The following SGMS1 variants were observed in gnomAD, a reference collection of about 807,000 sequenced individuals.
SGMS1 encodes sphingomyelin synthase 1.
SGMS1 carries 13 observed loss-of-function variants against 46.2 expected under a neutral mutation model. That is an observed-to-expected ratio of 0.28 (90% confidence interval 0.18 to 0.45). The LOEUF (loss-of-function observed/expected upper bound fraction) is 0.45. Among genes scored for constraint, SGMS1 ranks in the 20% least tolerant of loss-of-function variants. The pLI, the probability that SGMS1 is intolerant of heterozygous loss-of-function variation, is 1.00. For missense variants in SGMS1, 324 were observed against 519.9 expected (o/e 0.62, Z 3.66); for synonymous variants, 203 against 187.8 (o/e 1.08, Z -0.66).
At chr10:50,397,316 A>G (rs1230971918) in intron 6 of SGMS1, among the ~76,000 whole-genome samples, 1 of 152,200 alleles carries the variant, frequency 6.6e-6, no homozygotes, top group African/African-American at 2.4e-5. Context: ...TCCCCAGTTC[A>G]AGGATCTAGA....
intron 3 of SGMS1, among the ~76,000 whole-genome samples, chr10:50,498,674 T>C (rs900330380): frequency 3.3e-5 from 5 of 152,222 alleles, no homozygotes; most frequent in African/African-American, 1.2e-4. Context: ...AATATTCCAT[T>C]GTATGCAAAC....
upstream of SGMS1, chr10:50,624,611 C>T: frequency 1.0e-6 from 1 of 985,404 alleles, no homozygotes; most frequent in Non-Finnish European, 1.2e-6. Flanking sequence ...GGCCCACCTT[C>T]CGCCGCCCCT....
At chr10:50,624,407 A>C (rs555698803), upstream of SGMS1, among the ~76,000 whole-genome samples, 2 of 152,200 alleles carry the variant, frequency 1.3e-5, no homozygotes, top group East Asian at 3.9e-4. Flanking sequence ...TTAATGCCCA[A>C]TGGATCATTC....
intron 5 of SGMS1, among the ~76,000 whole-genome samples, chr10:50,434,553 G>C (rs941169202): frequency 6.6e-6 from 1 of 152,056 alleles, no homozygotes; most frequent in African/African-American, 2.4e-5. Flanking sequence ...AGCATAAAGG[G>C]ACAGGGCGGT....
At chr10:50,357,474 A>G (rs1009755175) in intron 6 of SGMS1, among the ~76,000 whole-genome samples, 2 of 152,210 alleles carry the variant, frequency 1.3e-5, no homozygotes, top group Non-Finnish European at 2.9e-5. Flanking sequence ...CACACTGAAC[A>G]TAAGTTTTCA....
chr10:50,530,788 T>A (rs924880957), intron 2 of SGMS1, among the ~76,000 whole-genome samples: 2 of 152,166 alleles, frequency 1.3e-5, no homozygotes, highest in African/African-American at 4.8e-5. Flanking sequence ...TCCTCTTTTT[T>A]AACAATAGTT....
intron 3 of SGMS1, among the ~76,000 whole-genome samples, chr10:50,493,594 T>A (rs897824163): frequency 4.6e-5 from 7 of 151,484 alleles, no homozygotes; most frequent in African/African-American, 1.7e-4. Context: ...ATATCCAGAG[T>A]CTACAAGGAA....
chr10:50,411,670 C>T (rs1467477601), intron 6 of SGMS1, among the ~76,000 whole-genome samples: 4 of 152,146 alleles, frequency 2.6e-5, no homozygotes, highest in Non-Finnish European at 5.9e-5. Flanking sequence ...TTTTAAACTG[C>T]CTAGTCTTTC....
intron 3 of SGMS1, among the ~76,000 whole-genome samples, chr10:50,504,710 T>A (rs1459734181): frequency 1.3e-5 from 2 of 152,094 alleles, no homozygotes; most frequent in Non-Finnish European, 2.9e-5. Flanking sequence ...ATTTTTTTTT[T>A]AAAGTAATGG....
At chr10:50,422,968 G>A (rs1351496524) in intron 6 of SGMS1, among the ~76,000 whole-genome samples, 1 of 152,208 alleles carries the variant, frequency 6.6e-6, no homozygotes, top group East Asian at 1.9e-4. Flanking sequence ...TCAAAAGGCT[G>A]TGTCTGTCCT....
chr10:50,442,047 TA>T (rs1362239878), intron 5 of SGMS1, among the ~76,000 whole-genome samples: 5 of 152,068 alleles, frequency 3.3e-5, no homozygotes, highest in African/African-American at 1.2e-4. Context: ...AACTTGCTTT[TA>T]TTTTTTTATT....
At chr10:50,622,694 C>A (rs867745888) in intron 1 of SGMS1, among the ~76,000 whole-genome samples, 1 of 152,244 alleles carries the variant, frequency 6.6e-6, no homozygotes, top group Non-Finnish European at 1.5e-5. Context: ...ATCTGAGAAG[C>A]ACCTGCCTGG....
intron 6 of SGMS1, among the ~76,000 whole-genome samples, chr10:50,394,505 T>C (rs1180996532): frequency 1.3e-5 from 2 of 152,234 alleles, no homozygotes; most frequent in Admixed American, 6.5e-5. Context: ...GAAACCCCAT[T>C]TGCCATTCAA....
At chr10:50,536,744 G>A (rs946347508) in intron 2 of SGMS1, among the ~76,000 whole-genome samples, 2 of 152,010 alleles carry the variant, frequency 1.3e-5, no homozygotes, top group African/African-American at 4.8e-5. Context: ...TTTGTCCCAT[G>A]TCATACTTTT....
intron 7 of SGMS1, among the ~76,000 whole-genome samples, chr10:50,339,783 T>C (rs1847782666): frequency 6.6e-6 from 1 of 152,184 alleles, no homozygotes; most frequent in African/African-American, 2.4e-5. Flanking sequence ...AATTTAGCAA[T>C]GAAGGAGACA....
chr10:50,355,564 C>T (rs562113122), intron 6 of SGMS1, among the ~76,000 whole-genome samples: 1 of 152,200 alleles, frequency 6.6e-6, no homozygotes, highest in Non-Finnish European at 1.5e-5. Context: ...CGGAGTCTCG[C>T]TCACTCAGTG....
intron 3 of SGMS1, among the ~76,000 whole-genome samples, chr10:50,468,373 A>G (rs2133697623): frequency 6.6e-6 from 1 of 152,322 alleles, no homozygotes; most frequent in African/African-American, 2.4e-5. Flanking sequence ...CCCATAAATC[A>G]TTTAAAGGAA....
chr10:50,492,444 C>G (rs775865954), intron 3 of SGMS1, among the ~76,000 whole-genome samples: 1 of 152,204 alleles, frequency 6.6e-6, no homozygotes, highest in Non-Finnish European at 1.5e-5. Flanking sequence ...TGATAAACAA[C>G]TTCAGCAAAG....
chr10:50,590,618 A>G (rs1167264700), intron 1 of SGMS1: 3 of 152,194 alleles, frequency 2.0e-5, no homozygotes, highest in Non-Finnish European at 4.4e-5. Context: ...ACTACTTAAC[A>G]TATCTATCAC....
Sources: gnomAD v4.1 joint callset for allele counts (sites outside exome capture counted in the v4.1 genomes callset) on GRCh38, gnomAD v4.1.1 for gene constraint, MANE v1.5 for transcripts, NCBI Gene and HGNC (gene_info 2026-07-23, HGNC 2026-07-21) for gene names.